IFT74: variants seen among roughly 807,000 people sequenced by gnomAD.
The protein encoded by IFT74 is intraflagellar transport protein 74 homolog.
IFT74 carries 92 observed loss-of-function variants against 96.7 expected under a neutral mutation model. The observed-to-expected ratio is 0.95, with a 90% CI of 0.80 to 1.13. The LOEUF (loss-of-function observed/expected upper bound fraction) is 1.13. Ranked by LOEUF, IFT74 falls within the 50% of genes most tolerant of loss-of-function variation. IFT74 has a pLI of 0.00. For synonymous variants in IFT74, 223 were observed against 213.2 expected (o/e 1.05, Z -0.40); for missense variants, 811 against 698.2 (o/e 1.16, Z -1.82).
At chr9:27,027,073 C>T (rs1217382701) in intron 12 of IFT74, among the ~76,000 whole-genome samples, 1 of 151,794 alleles carries the variant, frequency 6.6e-6, no homozygotes, top group African/African-American at 2.4e-5. Flanking sequence ...AGACCAATAG[C>T]AAGATTAATC....
chr9:26,948,536 T>G (rs1442560176), intron 1 of IFT74, among the ~76,000 whole-genome samples: 1 of 132,258 alleles, frequency 7.6e-6, no homozygotes. Context: ...TGGCGCGATC[T>G]CGGCTCACTG....
chr9:27,048,124 A>T (rs747150354), intron 15 of IFT74, 24 bp from the exon 16 acceptor site: 2 of 1,518,178 alleles, frequency 1.3e-6, no homozygotes, highest in Admixed American at 2.0e-5. Context: ...ATTTTTTTCT[A>T]TTTTTATTTC....
intron 16 of IFT74, among the ~76,000 whole-genome samples, chr9:27,050,855 G>A (rs1477681848): frequency 6.6e-6 from 1 of 151,914 alleles, no homozygotes; most frequent in African/African-American, 2.4e-5. Flanking sequence ...TGCACGTTGT[G>A]CACATGTACC....
intron 9 of IFT74, among the ~76,000 whole-genome samples, chr9:27,011,065 C>T (rs950040936): frequency 5.3e-5 from 8 of 151,984 alleles, no homozygotes; most frequent in Non-Finnish European, 1.2e-4. Flanking sequence ...ATGGCCTGGC[C>T]AAGATGGTGA....
chr9:26,977,528 G>A (rs190665550), intron 2 of IFT74, among the ~76,000 whole-genome samples: 2 of 152,156 alleles, frequency 1.3e-5, no homozygotes, highest in South Asian at 2.1e-4. Flanking sequence ...TCACTCTATC[G>A]CCCAAGCTAG....
rs374109976 is a variant in IFT74, at chr9:27,033,617, G to A, written c.1054+4513G>A. On this transcript the variant is annotated intron_variant, in intron 13 of 19. Coordinates refer to ENST00000380062, the MANE Select transcript of IFT74 (RefSeq NM_025103.4). ...AAATGGTGCCTGGTGCACATTAAGC[G>A]CTTCTGACAACCATTAGCTACCCCT... Among the ~76,000 whole-genome samples the A allele has an allele frequency of 1.3e-4, 19 of 149,640 alleles. No individual in the cohort carries two copies. The Middle Eastern group carries it at 0.01, about 83-fold the overall frequency.
chr9:26,988,558 C>A, intron 6 of IFT74, 111 bp from the exon 7 acceptor site: 1 of 1,006,280 alleles, frequency 9.9e-7, no homozygotes, highest in Non-Finnish European at 1.4e-6. Flanking sequence ...AGTATTAATA[C>A]TTAAGTTACT....
At chr9:27,059,552 G>T (rs1820321024) in intron 18 of IFT74, among the ~76,000 whole-genome samples, 1 of 152,140 alleles carries the variant, frequency 6.6e-6, no homozygotes, top group Non-Finnish European at 1.5e-5. Context: ...TTTGCTGAAG[G>T]TTATTAGAAA....
Position 27,059,331 on chromosome 9 carries a change from G to C in IFT74, c.1624-1260G>C, listed in dbSNP as rs574854932. ...TGTAACAGATTATTTAAACTAGTTA[G>C]GGAAAAACAGATTTTCAAAATGAAT... On this transcript the variant is annotated intron_variant, in intron 18 of 19. Coordinates refer to ENST00000380062, the MANE Select transcript of IFT74 (RefSeq NM_025103.4). Among the ~76,000 whole-genome samples the C allele has an allele frequency of 3.3e-5, 5 of 152,230 alleles. No individual in the cohort carries two copies. The South Asian group carries it at 1.0e-3, about 32-fold the overall frequency.
At chr9:27,062,331 C>A (rs2131719150) in intron 19 of IFT74, among the ~76,000 whole-genome samples, 1 of 152,220 alleles carries the variant, frequency 6.6e-6, no homozygotes, top group East Asian at 1.9e-4. Context: ...GGAACTAGTT[C>A]ATTGAACGTT....
intron 16 of IFT74, among the ~76,000 whole-genome samples, chr9:27,052,178 C>T (rs888606185): frequency 1.3e-5 from 2 of 152,042 alleles, no homozygotes; most frequent in Non-Finnish European, 2.9e-5. Flanking sequence ...GTATTCATTC[C>T]GTACTTTATA....
chr9:27,039,187 C>CT (rs1300636938), intron 13 of IFT74, among the ~76,000 whole-genome samples: 2 of 151,408 alleles, frequency 1.3e-5, no homozygotes, highest in Non-Finnish European at 2.9e-5. Context: ...GTTTATGCTT[C>CT]TTTTTTTTTA....
intron 2 of IFT74, among the ~76,000 whole-genome samples, chr9:26,966,760 G>A (rs1051867804): frequency 6.6e-6 from 1 of 151,968 alleles, no homozygotes; most frequent in African/African-American, 2.4e-5. Flanking sequence ...CCAATGTTCT[G>A]GATAATTTCC....
rs775169386 is a variant in IFT74, at chr9:27,055,657, G to GT, written c.1383dup (p.Lys462Ter). 1.9e-6 allele frequency: 3 copies of GT among 1,591,220 alleles called. No homozygotes were observed. The highest frequency in any genetic ancestry group is 3.6e-5 in the Admixed American group (2 of 55,016). On this transcript the variant is annotated frameshift_variant, in exon 17 of 20. Coordinates refer to ENST00000380062, the MANE Select transcript of IFT74 (RefSeq NM_025103.4). LOFTEE classifies it high-confidence loss of function. ...CTGCAGAAAATGGAGCTTCTAGAAA[G>GT]TAAGATGACTGAAGAACAGCATTCT...
intron 18 of IFT74, among the ~76,000 whole-genome samples, chr9:27,058,657 G>A (rs1820282559): frequency 6.6e-6 from 1 of 152,180 alleles, no homozygotes; most frequent in African/African-American, 2.4e-5. Context: ...CAAAGTGCTG[G>A]GATTGCAGGT....
At chr9:26,995,615 A>C (rs1828107625) in intron 8 of IFT74, 1 of 1,611,086 alleles carries the variant, frequency 6.2e-7, no homozygotes, top group Non-Finnish European at 8.5e-7. Flanking sequence ...TTCAAATATT[A>C]CTGTAGTTTC....
At chr9:27,018,572 G>T in intron 11 of IFT74, 75 bp from the exon 12 acceptor site, 3 of 751,866 alleles carry the variant, frequency 4.0e-6, no homozygotes, top group South Asian at 2.2e-5. Flanking sequence ...TTGTACTCTA[G>T]AAGGAAATTA....
At chr9:27,058,077 A>G (rs2131708382) in intron 18 of IFT74, among the ~76,000 whole-genome samples, 1 of 151,802 alleles carries the variant, frequency 6.6e-6, no homozygotes, top group Admixed American at 6.6e-5. Flanking sequence ...ACATTTTCTT[A>G]ACTTTTTTCA....
intron 7 of IFT74, among the ~76,000 whole-genome samples, chr9:26,989,134 C>T (rs1296859602): frequency 6.6e-6 from 1 of 152,062 alleles, no homozygotes; most frequent in Non-Finnish European, 1.5e-5. Flanking sequence ...AGATATGACT[C>T]CAGACATAAA....
Sources: gnomAD v4.1 joint callset for allele counts (sites outside exome capture counted in the v4.1 genomes callset) on GRCh38, gnomAD v4.1.1 for gene constraint, MANE v1.5 for transcripts, NCBI Gene and HGNC (gene_info 2026-07-23, HGNC 2026-07-21) for gene names.